Variants in INSYN2B observed in about 807,000 individuals in gnomAD.
The protein encoded by INSYN2B is inhibitory synaptic factor family member 2B.
In INSYN2B, 16 loss-of-function variants were observed where a neutral mutation model predicts 41.2. The observed-to-expected ratio is 0.39, with a 90% CI of 0.26 to 0.59. The LOEUF is 0.59. INSYN2B is among the 20% of genes least tolerant of loss of function. INSYN2B has a pLI of 0.57. For synonymous variants in INSYN2B, 245 were observed against 244.4 expected (o/e 1.00, Z -0.02); for missense variants, 608 against 646.4 (o/e 0.94, Z 0.64).
chr5:169,864,470 CAG>C lies in INSYN2B; in HGVS notation c.1422-13_1422-12del, dbSNP rs1402714096. On this transcript the variant is annotated splice_polypyrimidine_tract_variant and intron_variant, in intron 3 of 3. Transcript: ENST00000377365. Reference sequence around the variant, plus strand: ...AAATCATACTCTACACTGAAAAACACAGAGAGGAAGGAAGGAAAGTGAATTCG... The same window carrying C: ...AAATCATACTCTACACTGAAAAACACAGAGGAAGGAAGGAAAGTGAATTCG... 2.0e-6 allele frequency: 3 copies of C among 1,515,248 alleles called. No individual in the cohort carries two copies. The highest frequency in any genetic ancestry group is 2.7e-6 in the Non-Finnish European group (3 of 1,130,172). The allele number at this position is 1,515,248 out of a possible 1,614,324, so 93.9% of individuals were successfully genotyped here.
chr5:169,976,920 T>A (rs1777736955), intron 1 of INSYN2B, among the ~76,000 whole-genome samples: 1 of 152,184 alleles, frequency 6.6e-6, no homozygotes, highest in Non-Finnish European at 1.5e-5. Flanking sequence ...GCCTTTGACA[T>A]GTAGCAGGCC....
At chr5:169,962,395 C>T (rs576333805) in intron 1 of INSYN2B, among the ~76,000 whole-genome samples, 43 of 152,118 alleles carry the variant, frequency 2.8e-4, no homozygotes, top group Admixed American at 9.8e-4. Flanking sequence ...TAGAGGCAAC[C>T]GGAAAGTGGG....
chr5:169,908,277 T>C (rs1371116379), intron 1 of INSYN2B, among the ~76,000 whole-genome samples: 1 of 152,184 alleles, frequency 6.6e-6, no homozygotes, highest in Non-Finnish European at 1.5e-5. Context: ...TATTGGGACA[T>C]TTTGAACAGC....
intron 1 of INSYN2B, chr5:169,934,550 C>T: frequency 2.3e-6 from 1 of 441,114 alleles, no homozygotes; most frequent in South Asian, 1.6e-5. Flanking sequence ...GTATGCGCTA[C>T]ATTCACACAC....
chr5:169,973,881 T>A (rs1777615471), intron 1 of INSYN2B, among the ~76,000 whole-genome samples: 1 of 152,222 alleles, frequency 6.6e-6, no homozygotes, highest in African/African-American at 2.4e-5. Flanking sequence ...CATTCATTCA[T>A]CTGTTAATTT....
At chr5:169,928,734 G>A (rs571785123) in intron 1 of INSYN2B, among the ~76,000 whole-genome samples, 1 of 152,308 alleles carries the variant, frequency 6.6e-6, no homozygotes, top group Non-Finnish European at 1.5e-5. Context: ...CACCTTCATA[G>A]AGAACAGTTA....
intron 1 of INSYN2B, among the ~76,000 whole-genome samples, chr5:169,899,792 G>A (rs1773815883): frequency 6.6e-6 from 1 of 152,082 alleles, no homozygotes; most frequent in Non-Finnish European, 1.5e-5. Context: ...TCACAGTGTT[G>A]TGCCTTTTGT....
chr5:169,895,776 T>C (rs140160283), intron 1 of INSYN2B, among the ~76,000 whole-genome samples: 50 of 152,302 alleles, frequency 3.3e-4, no homozygotes, highest in Middle Eastern at 3.4e-3. Context: ...CTAGGACAAG[T>C]CATCTCATAT....
At chr5:169,867,988 G>C (rs1167836035) in intron 3 of INSYN2B, among the ~76,000 whole-genome samples, 2 of 152,212 alleles carry the variant, frequency 1.3e-5, no homozygotes, top group African/African-American at 4.8e-5. Flanking sequence ...TATTCACAAT[G>C]CTCCTAGCTC....
intron 1 of INSYN2B, among the ~76,000 whole-genome samples, chr5:169,959,938 G>C (rs913310739): frequency 6.6e-6 from 1 of 152,208 alleles, no homozygotes; most frequent in African/African-American, 2.4e-5. Flanking sequence ...CAAACAGCTT[G>C]TTTGGTTTCT....
intron 1 of INSYN2B, among the ~76,000 whole-genome samples, chr5:169,922,961 G>A (rs1775252233): frequency 6.6e-6 from 1 of 152,194 alleles, no homozygotes; most frequent in Admixed American, 6.5e-5. Flanking sequence ...TAAGCACTTT[G>A]TAAATATCGA....
chr5:169,902,500 T>A (rs1197056261), intron 1 of INSYN2B, among the ~76,000 whole-genome samples: 1 of 152,190 alleles, frequency 6.6e-6, no homozygotes, highest in Non-Finnish European at 1.5e-5. Context: ...CCACAGGCTA[T>A]TAAGGTCAAG....
chr5:169,926,467 C>A (rs1329805617), intron 1 of INSYN2B, among the ~76,000 whole-genome samples: 1 of 152,128 alleles, frequency 6.6e-6, no homozygotes, highest in Admixed American at 6.5e-5. Context: ...CTGCATTGAT[C>A]TTCTGTGAGC....
At chr5:169,962,112 C>T (rs1378085095) in intron 1 of INSYN2B, among the ~76,000 whole-genome samples, 1 of 151,910 alleles carries the variant, frequency 6.6e-6, no homozygotes, top group East Asian at 1.9e-4. Context: ...GGGCTTCACG[C>T]TTTATTGTGG....
intron 1 of INSYN2B, among the ~76,000 whole-genome samples, chr5:169,907,735 G>C (rs182834619): frequency 5.9e-5 from 9 of 152,348 alleles, no homozygotes; most frequent in African/African-American, 2.2e-4. Context: ...CTCTAGAGCA[G>C]TGGTTTTCAA....
At chr5:169,972,318 C>G (rs749818578) in intron 1 of INSYN2B, among the ~76,000 whole-genome samples, 1 of 152,082 alleles carries the variant, frequency 6.6e-6, no homozygotes, top group African/African-American at 2.4e-5. Flanking sequence ...GTATCTTCCC[C>G]TTTATGGATC....
At chr5:169,978,836 T>C (rs904622500) in intron 1 of INSYN2B, among the ~76,000 whole-genome samples, 5 of 152,192 alleles carry the variant, frequency 3.3e-5, no homozygotes, top group Non-Finnish European at 7.3e-5. Context: ...GCACTTATTT[T>C]TACACGTTTG....
chr5:169,961,977 C>A (rs78805204), intron 1 of INSYN2B, among the ~76,000 whole-genome samples: 1 of 104,060 alleles, frequency 9.6e-6, no homozygotes, highest in African/African-American at 4.3e-5. Context: ...AGACTCTGTC[C>A]CAAAAAAAAA....
chr5:169,912,037 C>T (rs1394040496), intron 1 of INSYN2B, among the ~76,000 whole-genome samples: 1 of 152,168 alleles, frequency 6.6e-6, no homozygotes, highest in Non-Finnish European at 1.5e-5. Flanking sequence ...AACTGCGTAC[C>T]TATGCACATC....
Sources: allele counts gnomAD v4.1 joint callset (sites outside exome capture counted in the v4.1 genomes callset), GRCh38; gene constraint gnomAD v4.1.1; transcripts MANE v1.5; gene names NCBI Gene and HGNC (gene_info 2026-07-23, HGNC 2026-07-21).